The following HS6ST3 variants were observed in gnomAD, a reference collection of about 807,000 sequenced individuals.
HS6ST3 encodes heparan-sulfate 6-O-sulfotransferase 3.
HS6ST3 carries 12 observed loss-of-function variants against 36.7 expected under a neutral mutation model. The observed-to-expected ratio is 0.33, with a 90% CI of 0.21 to 0.53. HS6ST3 has a LOEUF of 0.53. Among genes scored for constraint, HS6ST3 ranks in the 20% least tolerant of loss-of-function variants. HS6ST3 has a pLI of 0.95. For missense variants in HS6ST3, 584 were observed against 640.9 expected (o/e 0.91, Z 0.96); for synonymous variants, 240 against 257.5 (o/e 0.93, Z 0.65).
chr13:96,833,010 T>C lies in HS6ST3; in HGVS notation c.1228T>C (p.Tyr410His). The C allele has an allele frequency of 6.2e-7, 1 of 1,613,774 alleles. No individual in the cohort carries two copies. The highest frequency in any genetic ancestry group is 8.5e-7 in the Non-Finnish European group (1 of 1,179,954). Residue 410 changes from tyrosine (Y) to histidine (H), a missense_variant, in exon 2 of 2, where the codon TAT becomes CAT. Tyr to His is a moderately conservative substitution (Grantham distance 83, BLOSUM62 2). Around this residue, in one of 3 missense-constraint regions of HS6ST3, gnomAD observed 360 missense variants for 411.3 expected, o/e 0.88. Transcript: ENST00000376705. ...LNFLDMQLYE[Y>H]AKDLFQQRYH... is the part of the protein sequence containing the mutation. ...CTTCCTGGACATGCAGCTTTACGAG[T>C]ATGCAAAAGATCTCTTCCAGCAGCG...
In HS6ST3 at chr13:96,832,360, C is replaced by A. The variant is rs186520252; in HGVS notation, c.708-130C>A. ...GCACATGCATCAATAGACACAAATGCAGGCGAATACTCTCACATGAACATT... is the reference window on the plus strand; with the variant it reads ...GCACATGCATCAATAGACACAAATGAAGGCGAATACTCTCACATGAACATT... On this transcript the variant is annotated intron_variant, in intron 1 of 1. Coordinates refer to ENST00000376705, the MANE Select transcript of HS6ST3 (RefSeq NM_153456.4). 26 of 642,412 alleles carry A rather than the reference C, an allele frequency of 4.0e-5. No homozygotes were observed. In the East Asian group the frequency reaches 7.0e-4, roughly 17 times the overall value. 39.8% of individuals were successfully genotyped at this position (642,412 alleles called of 1,614,324 possible).
intron 1 of HS6ST3, among the ~76,000 whole-genome samples, chr13:96,575,086 C>A (rs752171622): frequency 1.3e-5 from 2 of 152,118 alleles, no homozygotes; most frequent in Non-Finnish European, 2.9e-5. Context: ...TGGATGGAGA[C>A]CCCCATCAAG....
intron 1 of HS6ST3, among the ~76,000 whole-genome samples, chr13:96,124,018 TG>T (rs1040621281): frequency 2.6e-5 from 4 of 152,218 alleles, no homozygotes; most frequent in Non-Finnish European, 4.4e-5. Context: ...ATCGTATGCA[TG>T]GGCAGTTTAG....
At chr13:96,776,651 G>C (rs191646711) in intron 1 of HS6ST3, among the ~76,000 whole-genome samples, 1 of 152,038 alleles carries the variant, frequency 6.6e-6, no homozygotes, top group Non-Finnish European at 1.5e-5. Flanking sequence ...GGAAGAAGTC[G>C]AATCCCTGAA....
At chr13:96,333,514 C>T (rs2055083322) in intron 1 of HS6ST3, among the ~76,000 whole-genome samples, 1 of 152,128 alleles carries the variant, frequency 6.6e-6, no homozygotes, top group Admixed American at 6.5e-5. Context: ...TGGGGGTCTG[C>T]AGTGCTGGTT....
At chr13:96,213,730 A>C (rs2054410412) in intron 1 of HS6ST3, among the ~76,000 whole-genome samples, 1 of 152,166 alleles carries the variant, frequency 6.6e-6, no homozygotes, top group Non-Finnish European at 1.5e-5. Flanking sequence ...TAGGTGTTTA[A>C]GGTATGTACA....
chr13:96,535,662 A>G (rs1276058689), intron 1 of HS6ST3, among the ~76,000 whole-genome samples: 1 of 152,102 alleles, frequency 6.6e-6, no homozygotes, highest in Non-Finnish European at 1.5e-5. Flanking sequence ...AGGGAATCAC[A>G]TATAAAAGTG....
At chr13:96,729,634 AT>A (rs142375389) in intron 1 of HS6ST3, among the ~76,000 whole-genome samples, 30,120 of 146,110 alleles carry the variant, frequency 0.21, 3,766 homozygotes, top group Non-Finnish European at 0.28. Context: ...TATTTTTTGT[AT>A]TTTTTTTTTT....
intron 1 of HS6ST3, among the ~76,000 whole-genome samples, chr13:96,522,317 G>A (rs1378025278): frequency 2.6e-5 from 4 of 152,164 alleles, no homozygotes; most frequent in Admixed American, 6.5e-5. Flanking sequence ...TGAGAAGAAC[G>A]TATATTCTGT....
intron 1 of HS6ST3, among the ~76,000 whole-genome samples, chr13:96,552,777 T>G (rs1334647508): frequency 6.6e-6 from 1 of 152,132 alleles, no homozygotes; most frequent in East Asian, 1.9e-4. Context: ...GAGTACCTAC[T>G]GGAGGAGGTA....
intron 1 of HS6ST3, among the ~76,000 whole-genome samples, chr13:96,687,908 A>G (rs1874829962): frequency 1.3e-5 from 2 of 152,028 alleles, no homozygotes; most frequent in South Asian, 4.1e-4. Flanking sequence ...ATCTTGATAA[A>G]TCTGTGAATG....
chr13:96,179,789 A>G (rs901959012), intron 1 of HS6ST3, among the ~76,000 whole-genome samples: 2 of 121,972 alleles, frequency 1.6e-5, no homozygotes, highest in Non-Finnish European at 3.6e-5. Context: ...CCCACCTTTC[A>G]TATCTTTACT....
chr13:96,756,066 GTTT>G, intron 1 of HS6ST3, among the ~76,000 whole-genome samples: 1 of 152,240 alleles, frequency 6.6e-6, no homozygotes, highest in Admixed American at 6.5e-5. Flanking sequence ...ACACTTCCCT[GTTT>G]TTGAGTGATG....
intron 1 of HS6ST3, among the ~76,000 whole-genome samples, chr13:96,495,211 A>G (rs2055968895): frequency 6.6e-6 from 1 of 152,206 alleles, no homozygotes; most frequent in South Asian, 2.1e-4. Context: ...TTATTGCTGC[A>G]GAATTTGTTA....
intron 1 of HS6ST3, among the ~76,000 whole-genome samples, chr13:96,360,669 G>A (rs1448420093): frequency 6.8e-6 from 1 of 146,530 alleles, no homozygotes; most frequent in African/African-American, 2.5e-5. Flanking sequence ...AAAAAAGTCC[G>A]GTGCAGTGGC....
chr13:96,774,950 C>A (rs963123850), intron 1 of HS6ST3, among the ~76,000 whole-genome samples: 1 of 152,118 alleles, frequency 6.6e-6, no homozygotes, highest in African/African-American at 2.4e-5. Context: ...GGGTTACCCA[C>A]CAAGGGAAGC....
At chr13:96,092,070 C>T in intron 1 of HS6ST3, among the ~76,000 whole-genome samples, 1 of 152,106 alleles carries the variant, frequency 6.6e-6, no homozygotes, top group East Asian at 1.9e-4. Flanking sequence ...TTTTGGATGG[C>T]AGCTCAGGAA....
At chr13:96,765,221 C>A (rs1476002583) in intron 1 of HS6ST3, among the ~76,000 whole-genome samples, 1 of 151,904 alleles carries the variant, frequency 6.6e-6, no homozygotes. Context: ...CTAAGGCAGC[C>A]GCCACCGCGC....
At chr13:96,610,853 G>GAAAA (rs780834486) in intron 1 of HS6ST3, among the ~76,000 whole-genome samples, 1 of 135,856 alleles carries the variant, frequency 7.4e-6, no homozygotes, top group African/African-American at 2.7e-5. Context: ...TGAAAAAAAT[G>GAAAA]AAAAAAAAAA....
Sources: allele counts gnomAD v4.1 joint callset (sites outside exome capture counted in the v4.1 genomes callset), GRCh38; gene constraint gnomAD v4.1.1; regional missense constraint gnomAD v4.1.1; transcripts MANE v1.5; gene names NCBI Gene and HGNC (gene_info 2026-07-23, HGNC 2026-07-21).